The following BAG5 variants were observed in gnomAD, a reference collection of about 807,000 sequenced individuals.
BAG5 encodes the protein BAG family molecular chaperone regulator 5.
BAG5 carries 25 observed loss-of-function variants against 31.8 expected under a neutral mutation model. The ratio of observed to expected loss-of-function variants is 0.79; its 90% CI spans 0.57 to 1.10. BAG5 has a LOEUF of 1.10. Among genes scored for constraint, BAG5 ranks in the 50% least tolerant of loss-of-function variants. BAG5 has a pLI of 0.00. For missense variants in BAG5, 491 were observed against 527.9 expected, an observed-to-expected ratio of 0.93 and a Z score of 0.68; for synonymous variants, 208 against 205.0, an observed-to-expected ratio of 1.01 and a Z score of -0.13.
intron 1 of BAG5, chr14:103,562,131 G>A (rs1302792493): frequency 4.4e-6 from 3 of 688,672 alleles, no homozygotes; most frequent in Non-Finnish European, 7.9e-6. Flanking sequence ...TGCGGTCTTG[G>A]CGTCCCGTGG....
rs375861045 is a variant in BAG5 at position 103,560,028 on chromosome 14, G to C, written c.1137C>G (p.Ile379Met). ...CATCAAATGAAAGAACTTCTCCCTG[G>C]ATCTCAGACAAGTTTCCAAGGACGT... The part of the protein sequence containing the change: ...VWNVLGNLSE[I>M]QGEVLSFDGN... The change falls in exon 2 of 2, where the codon ATC becomes ATG. Residue 379 changes from isoleucine to methionine, a missense_variant. By Grantham distance (10) the Ile-to-Met change is conservative. Transcript: ENST00000299204. The C allele has an allele frequency of 6.2e-7, 1 of 1,614,186 alleles. No homozygotes were observed. The highest frequency in any genetic ancestry group is 8.5e-7 in the Non-Finnish European group (1 of 1,180,036).
Position 103,560,757 on chromosome 14 carries a change from A to T in BAG5, c.408T>A (p.His136Gln), listed in dbSNP as rs147561053. 1 of 1,613,944 alleles carries T rather than the reference A, an allele frequency of 6.2e-7. No homozygotes were observed. Among genetic ancestry groups the T allele is most frequent in the African/African-American group, 1.3e-5 (1 of 74,864 alleles). The change falls in exon 2 of 2, where the codon CAT (histidine) becomes CAA (glutamine). Residue 136 changes from histidine (H) to glutamine (Q), a missense_variant. By Grantham distance (24) the His-to-Gln change is conservative. Transcript: ENST00000299204. The part of the protein sequence containing the change: ...GIQDIILRLT[H>Q]VKTGGKISLR... ...AGGAGATTTTTCCTCCAGTTTTAAC[A>T]TGTGTCAGCCTCAGAATGATATCTT... is the stretch of plus-strand genomic sequence containing the variant.
rs934178630 is a variant in BAG5, at chr14:103,558,942, C to T, written c.*879G>A. ...ACTTTCTGATTTAGTTTTAGTATAA[C>T]CTGACATTGGTAACCCGTCTCCAGT... On this transcript the variant is annotated 3_prime_UTR_variant, in exon 2 of 2. Coordinates refer to ENST00000299204, the MANE Select transcript of BAG5 (RefSeq NM_001015048.3). 8 of 151,962 alleles carry T rather than the reference C, an allele frequency of 5.3e-5. No individual in the cohort carries two copies. The highest frequency in any genetic ancestry group is 1.2e-4 in the Non-Finnish European group (8 of 68,010). The allele number at this position is 151,962 out of a possible 1,614,324, so 9.4% of individuals were successfully genotyped here.
rs2076051548 is a variant in BAG5 at position 103,558,601 on chromosome 14, GA to G, written c.*1219del. On this transcript the variant is annotated 3_prime_UTR_variant, in exon 2 of 2. Coordinates refer to ENST00000299204, the MANE Select transcript of BAG5 (RefSeq NM_001015048.3). ...GAAGAGAGATGCTTCACGCACGACT[GA>G]CTTTAATGGCTCTTTCAGGCAACAG... 6.6e-6 allele frequency: 1 copy of G among 152,222 alleles called. No individual in the cohort carries two copies. 9.4% of individuals were successfully genotyped at this position (152,222 alleles called of 1,614,324 possible).
chr14:103,559,883 C>A lies in BAG5; in HGVS notation c.1282G>T (p.Val428Leu). Reference protein sequence around the residue: ...EKCKAARKQAVRLAQNILSYL... With the variant: ...EKCKAARKQALRLAQNILSYL... ...CTGAGAATATTCTGCGCAAGCCTCA[C>A]AGCTTGTTTCCTGGCAGCCTTACAC... The change falls in exon 2 of 2, where the codon GTG becomes TTG. Residue 428 changes from valine (V) to leucine (L), a missense_variant. Val to Leu is a conservative substitution (Grantham distance 32). Coordinates refer to ENST00000299204, the MANE Select transcript of BAG5 (RefSeq NM_001015048.3). 6.2e-7 allele frequency: 1 copy of A among 1,614,224 alleles called. No individual in the cohort carries two copies.
chr14:103,561,211 G>A lies in BAG5; in HGVS notation c.-28-19C>T, dbSNP rs1196797907. 1 of 1,572,272 alleles carries A rather than the reference G, an allele frequency of 6.4e-7. No homozygotes were observed. The highest frequency in any genetic ancestry group is 2.2e-5 in the East Asian group (1 of 44,692). Reference sequence around the variant, plus strand: ...ACAAGCACTAAAAGACGACAAGAATGATAACTTACTACAGCACAAGGCTTC... The same window carrying A: ...ACAAGCACTAAAAGACGACAAGAATAATAACTTACTACAGCACAAGGCTTC... On this transcript the variant is annotated intron_variant, in intron 1 of 1. Transcript: ENST00000299204.
intron 1 of BAG5, chr14:103,561,703 C>G (rs1453780673): frequency 1.8e-6 from 1 of 556,412 alleles, no homozygotes; most frequent in Admixed American, 3.3e-5. Context: ...CCCCTCCCCA[C>G]CCTTTTAGCT....
Position 103,559,562 on chromosome 14 carries a change from C to A in BAG5, c.*259G>T. The A allele has an allele frequency of 2.6e-6, 1 of 382,576 alleles. No individual in the cohort carries two copies. The highest frequency in any genetic ancestry group is 4.7e-6 in the Non-Finnish European group (1 of 214,760). 23.7% of individuals were successfully genotyped at this position (382,576 alleles called of 1,614,324 possible). The stretch of plus-strand genomic sequence containing the variant: ...ACAAAAGCTGCCTCTATTTTGTTTT[C>A]TGATTAAAAACGCAAAAAAAAGGAC... On this transcript the variant is annotated 3_prime_UTR_variant, in exon 2 of 2. Transcript: ENST00000299204.
In BAG5 at chr14:103,561,064, G is replaced by T; in HGVS notation, c.101C>A (p.Ser34Ter). The stretch of plus-strand genomic sequence containing the variant: ...CAGTTTCTTGTAATTCTTGTCATCT[G>T]ACAGACCACTGAAGCCGATAACTTG... Reference protein sequence around the residue: ...EQQVIGFSGLSDDKNYKKLER... With the variant: ...EQQVIGFSGL The change falls in exon 2 of 2, where the codon TCA becomes TAA. Residue 34 changes from serine (S) to a stop codon, truncating the protein, a stop_gained. Transcript: ENST00000299204. LOFTEE classifies it high-confidence loss of function. 6.2e-7 allele frequency: 1 copy of T among 1,612,088 alleles called. No homozygotes were observed.
rs1241967589 is a variant in BAG5 at position 103,556,653 on chromosome 14, C to T, written c.*3168G>A. The T allele has an allele frequency of 1.3e-5, 2 of 151,898 alleles. No individual in the cohort carries two copies. The highest frequency in any genetic ancestry group is 4.8e-5 in the African/African-American group (2 of 41,332). The allele number at this position is 151,898 out of a possible 1,614,324, so 9.4% of individuals were successfully genotyped here. On this transcript the variant is annotated 3_prime_UTR_variant, in exon 2 of 2. Transcript: ENST00000299204. ...TTGAATTATTGAAGACATACTGTTC[C>T]AATACTCAAACAGTTCACAGAGAGG...
At chr14:103,561,521 A>G (rs1451397015) in intron 1 of BAG5, among the ~76,000 whole-genome samples, 6 of 152,160 alleles carry the variant, frequency 3.9e-5, no homozygotes, top group Non-Finnish European at 5.9e-5. Context: ...ATGAAAGGTG[A>G]AACAGTAGCT....
Position 103,560,479 on chromosome 14 carries a change from G to A in BAG5, c.686C>T (p.Ala229Val), listed in dbSNP as rs1461075781. 6 of 1,613,932 alleles carry A rather than the reference G, an allele frequency of 3.7e-6. No individual in the cohort carries two copies. The highest frequency in any genetic ancestry group is 4.5e-5 in the East Asian group (2 of 44,894). Reference sequence around the variant, plus strand: ...TTCTGTCCGGCCGCACACATCTAGAGCATCCAGGTCAGCGATCAGCCCCGA... The same window carrying A: ...TTCTGTCCGGCCGCACACATCTAGAACATCCAGGTCAGCGATCAGCCCCGA... ...VLSGLIADLD[A>V]LDVCGRTEIR... The change falls in exon 2 of 2, where the codon GCT (alanine) becomes GTT (valine). Residue 229 changes from alanine (A) to valine (V), a missense_variant. Ala to Val is a moderately conservative substitution (Grantham distance 64). Coordinates refer to ENST00000299204, the MANE Select transcript of BAG5 (RefSeq NM_001015048.3).
chr14:103,561,212 A>C lies in BAG5; in HGVS notation c.-28-20T>G. Reference sequence around the variant, plus strand: ...CAAGCACTAAAAGACGACAAGAATGATAACTTACTACAGCACAAGGCTTCT... The same window carrying C: ...CAAGCACTAAAAGACGACAAGAATGCTAACTTACTACAGCACAAGGCTTCT... On this transcript the variant is annotated intron_variant, in intron 1 of 1. Coordinates refer to ENST00000299204, the MANE Select transcript of BAG5 (RefSeq NM_001015048.3). 1.2e-5 allele frequency: 19 copies of C among 1,569,094 alleles called. No individual in the cohort carries two copies. Among genetic ancestry groups the C allele is most frequent in the Non-Finnish European group, 1.5e-5 (17 of 1,166,786 alleles).
Position 103,561,002 on chromosome 14 carries a change from A to G in BAG5, c.163T>C (p.Ser55Pro). 1 of 1,613,958 alleles carries G rather than the reference A, an allele frequency of 6.2e-7. No individual in the cohort carries two copies. The highest frequency in any genetic ancestry group is 8.5e-7 in the Non-Finnish European group (1 of 1,180,018). Reference sequence around the variant, plus strand: ...TCTCCTTTTCCTTCAGTATCTACAGAGTCTATTTCAAAAAGCTGTTTTGTT... The same window carrying G: ...TCTCCTTTTCCTTCAGTATCTACAGGGTCTATTTCAAAAAGCTGTTTTGTT... Reference protein sequence around the residue: ...ILTKQLFEIDSVDTEGKGDIQ... With the variant: ...ILTKQLFEIDPVDTEGKGDIQ... The change falls in exon 2 of 2, where the codon TCT (serine) becomes CCT (proline). Residue 55 changes from serine (S) to proline (P), a missense_variant. By Grantham distance (74) the Ser-to-Pro change is moderately conservative. Coordinates refer to ENST00000299204, the MANE Select transcript of BAG5 (RefSeq NM_001015048.3).
rs371498890 is a variant in BAG5 at position 103,560,936 on chromosome 14, G to T, written c.229C>A (p.Arg77Ser). The change falls in exon 2 of 2, where the codon CGT becomes AGT. Residue 77 changes from arginine (R) to serine (S), a missense_variant. Physicochemically the swap from Arg to Ser is moderately radical, Grantham distance 110. Coordinates refer to ENST00000299204, the MANE Select transcript of BAG5 (RefSeq NM_001015048.3). Reference protein sequence around the residue: ...ARKRAAQETERLLKELEQNAN... With the variant: ...ARKRAAQETESLLKELEQNAN... ...TTCTGCTCCAACTCTTTGAGAAGACGTTCTGTCTCCTGTGCTGCCCGCTTC... is the reference window on the plus strand; with the variant it reads ...TTCTGCTCCAACTCTTTGAGAAGACTTTCTGTCTCCTGTGCTGCCCGCTTC... The T allele has an allele frequency of 1.2e-6, 2 of 1,614,114 alleles. No individual in the cohort carries two copies. The highest frequency in any genetic ancestry group is 1.3e-5 in the African/African-American group (1 of 75,024).
chr14:103,560,671 T>G lies in BAG5; in HGVS notation c.494A>C (p.Asp165Ala). Residue 165 changes from aspartate (D) to alanine (A), a missense_variant, in exon 2 of 2, where the codon GAC (aspartate) becomes GCC (alanine). Asp to Ala is a moderately radical substitution (Grantham distance 126). Transcript: ENST00000299204. ...CAGGGAAGGCTGCTTTTTCATGCAG[T>G]CTTCGATTATCTCTTGCACCGCACA... ...KICAVQEIIEDCMKKQPSLPL... is the reference protein window; with the variant it reads ...KICAVQEIIEACMKKQPSLPL... The G allele has an allele frequency of 6.2e-7, 1 of 1,614,160 alleles. No individual in the cohort carries two copies.
rs771413898 is a variant in BAG5 at position 103,560,580 on chromosome 14, C to G, written c.585G>C (p.Lys195Asn). ...GAAGTGCAATCAGGACCCCTCGGGC[C>G]TTGTTCACCTCACACATCACGAAGT... ...KINFVMCEVN[K>N]ARGVLIALLM... The change falls in exon 2 of 2, where the codon AAG becomes AAC. Residue 195 changes from lysine (K) to asparagine (N), a missense_variant. Physicochemically the swap from Lys to Asn is moderately conservative, Grantham distance 94. Coordinates refer to ENST00000299204, the MANE Select transcript of BAG5 (RefSeq NM_001015048.3). The G allele has an allele frequency of 1.2e-6, 2 of 1,614,156 alleles. No homozygotes were observed. The highest frequency in any genetic ancestry group is 3.3e-5 in the Admixed American group (2 of 60,012).
intron 1 of BAG5, chr14:103,562,221 C>A: frequency 1.7e-6 from 1 of 579,346 alleles, no homozygotes; most frequent in East Asian, 2.9e-5. Context: ...CCTCGCACCC[C>A]TCCCGACTAG....
chr14:103,561,717 C>T, intron 1 of BAG5: 2 of 577,832 alleles, frequency 3.5e-6, no homozygotes, highest in African/African-American at 1.9e-5. Context: ...TTTAGCTCCT[C>T]ACACATCTTC....
Sources: gnomAD v4.1 joint callset for allele counts (sites outside exome capture counted in the v4.1 genomes callset) on GRCh38, gnomAD v4.1.1 for gene constraint, MANE v1.5 for transcripts, NCBI Gene and HGNC (gene_info 2026-07-23, HGNC 2026-07-21) for gene names.